MGAT5: variants seen among roughly 807,000 people sequenced by gnomAD.
The protein encoded by MGAT5 is alpha-1,6-mannosylglycoprotein 6-beta-N-acetylglucosaminyltransferase A.
In MGAT5, 30 loss-of-function variants were observed where a neutral mutation model predicts 94.3. The observed-to-expected ratio is 0.32, with a 90% confidence interval of 0.24 to 0.43. The LOEUF is 0.43. Among genes scored for constraint, MGAT5 ranks in the 20% least tolerant of loss-of-function variants. The pLI, the probability that MGAT5 is intolerant of heterozygous loss-of-function variation, is 1.00. For missense variants in MGAT5, 691 were observed against 905.5 expected, an observed-to-expected ratio of 0.76 and a Z score of 3.04; for synonymous variants, 310 against 322.9, an observed-to-expected ratio of 0.96 and a Z score of 0.43.
intron 2 of MGAT5, among the ~76,000 whole-genome samples, chr2:134,290,629 G>GATCATCCTTCATTTCTGTGTT (rs1425078283): frequency 1.3e-5 from 2 of 152,336 alleles, no homozygotes; most frequent in East Asian, 3.9e-4. Flanking sequence ...TACTTTACAA[G>GATCATCCTTCATTTCTGTGTT]GGGTGCTCCC....
At chr2:134,424,480 G>A (rs1165177689) in intron 13 of MGAT5, among the ~76,000 whole-genome samples, 2 of 152,116 alleles carry the variant, frequency 1.3e-5, no homozygotes, top group South Asian at 2.1e-4. Context: ...TCAGGAGACC[G>A]AGCTGATAAA....
At chr2:134,120,809 C>T (rs1263664893) in intron 1 of MGAT5, among the ~76,000 whole-genome samples, 3 of 151,874 alleles carry the variant, frequency 2.0e-5, no homozygotes, top group Non-Finnish European at 4.4e-5. Flanking sequence ...AGGAGGGAGG[C>T]TGGCCCCGAG....
intron 10 of MGAT5, among the ~76,000 whole-genome samples, chr2:134,366,762 C>T (rs1331056480): frequency 6.6e-6 from 1 of 152,222 alleles, no homozygotes; most frequent in Non-Finnish European, 1.5e-5. Context: ...GAAGAGCATG[C>T]TTTGAGCAGC....
At chr2:134,197,489 A>T (rs1002669464) in intron 1 of MGAT5, among the ~76,000 whole-genome samples, 2 of 152,214 alleles carry the variant, frequency 1.3e-5, no homozygotes, top group Non-Finnish European at 2.9e-5. Context: ...TTTGAGATTA[A>T]AGAGAGATTT....
chr2:134,274,625 T>C (rs138039046), intron 2 of MGAT5, among the ~76,000 whole-genome samples: 252 of 152,376 alleles, frequency 1.7e-3, no homozygotes, highest in Non-Finnish European at 2.8e-3. Flanking sequence ...AGAGTTGTCA[T>C]TCAAGGTCAG....
At chr2:134,381,386 A>AT (rs1227207157) in intron 10 of MGAT5, among the ~76,000 whole-genome samples, 18,687 of 84,828 alleles carry the variant, frequency 0.22, 1,478 homozygotes, top group Non-Finnish European at 0.27. Flanking sequence ...GATAGATTAG[A>AT]TAGATAGATA....
chr2:134,120,357 G>A (rs1413485205), intron 1 of MGAT5: 2 of 383,982 alleles, frequency 5.2e-6, no homozygotes, highest in African/African-American at 2.1e-5. Flanking sequence ...GGTGATGCGC[G>A]CAGAGGGGAC....
At chr2:134,334,210 G>A (rs1688189390) in intron 4 of MGAT5, among the ~76,000 whole-genome samples, 1 of 152,162 alleles carries the variant, frequency 6.6e-6, no homozygotes, top group Non-Finnish European at 1.5e-5. Flanking sequence ...AGGCATTACA[G>A]TCTTCAGGCT....
rs76183165 is a variant in MGAT5, at chr2:134,308,080, G to A, written c.407-9449G>A. ...TCAGTGTCTTCTGTAGTAGAATGAA[G>A]GATAATAGTACTTATTATTGTGAGG... On this transcript the variant is annotated intron_variant, in intron 2 of 15. Coordinates refer to ENST00000281923, the MANE Select transcript of MGAT5 (RefSeq NM_002410.5). Among the ~76,000 whole-genome samples the A allele has an allele frequency of 6.4e-3, 979 of 152,282 alleles. 11 individuals are homozygous for A. Among genetic ancestry groups the A allele is most frequent in the African/African-American group, 0.023 (943 of 41,550 alleles).
intron 1 of MGAT5, among the ~76,000 whole-genome samples, chr2:134,176,838 G>A (rs962990853): frequency 1.5e-4 from 23 of 152,094 alleles, no homozygotes; most frequent in African/African-American, 5.3e-4. Flanking sequence ...TTGAGAGGTG[G>A]GTCTCAGCTC....
intron 1 of MGAT5, among the ~76,000 whole-genome samples, chr2:134,209,128 A>G (rs1350344800): frequency 7.1e-6 from 1 of 141,334 alleles, no homozygotes; most frequent in Non-Finnish European, 1.6e-5. Flanking sequence ...GGGATTGTAT[A>G]TAGAACTGGC....
chr2:134,360,749 C>T (rs1680036308), intron 9 of MGAT5, among the ~76,000 whole-genome samples: 1 of 152,242 alleles, frequency 6.6e-6, no homozygotes, highest in African/African-American at 2.4e-5. Flanking sequence ...CAACTATCGC[C>T]TCTTGTTGGC....
At position 134,335,530 on chromosome 2, in the gene MGAT5, C is replaced by T. The variant is rs144071249; in HGVS notation, c.574-687C>T. Among the ~76,000 whole-genome samples, 57 of 152,038 alleles carry T rather than the reference C, an allele frequency of 3.7e-4. No homozygotes were observed. In the East Asian group the frequency reaches 0.01, roughly 28 times the overall value. ...GTTCTTTTTTCCTTTCTCTTTCCTC[C>T]TCCCCTCAATTTCTAAACCTTATTC... On this transcript the variant is annotated intron_variant, in intron 4 of 15. Coordinates refer to ENST00000281923, the MANE Select transcript of MGAT5 (RefSeq NM_002410.5).
intron 9 of MGAT5, among the ~76,000 whole-genome samples, chr2:134,352,240 G>A (rs1241690445): frequency 5.9e-5 from 9 of 152,132 alleles, no homozygotes; most frequent in Non-Finnish European, 1.3e-4. Context: ...TCAAGATGTG[G>A]CATGTGCTCA....
At chr2:134,236,278 C>T (rs1297118131) in intron 1 of MGAT5, among the ~76,000 whole-genome samples, 2 of 152,070 alleles carry the variant, frequency 1.3e-5, no homozygotes, top group African/African-American at 2.4e-5. Context: ...TGGTGTTTAG[C>T]CTGGACCTTG....
intron 10 of MGAT5, among the ~76,000 whole-genome samples, chr2:134,371,818 C>T (rs375532970): frequency 6.6e-6 from 1 of 152,100 alleles, no homozygotes; most frequent in Non-Finnish European, 1.5e-5. Context: ...TGACATGGCC[C>T]TCTGGAATAG....
intron 1 of MGAT5, among the ~76,000 whole-genome samples, chr2:134,229,178 A>C (rs1382515979): frequency 1.3e-5 from 2 of 152,246 alleles, no homozygotes; most frequent in East Asian, 3.8e-4. Context: ...TGGAAGACTC[A>C]GAAATGGGCA....
chr2:134,169,118 G>T (rs562733136), intron 1 of MGAT5, among the ~76,000 whole-genome samples: 1 of 152,308 alleles, frequency 6.6e-6, no homozygotes, highest in Admixed American at 6.5e-5. Flanking sequence ...GGAGGGCAAA[G>T]AGACAATGCA....
intron 1 of MGAT5, among the ~76,000 whole-genome samples, chr2:134,239,867 A>G (rs1681876483): frequency 6.6e-6 from 1 of 152,168 alleles, no homozygotes; most frequent in Non-Finnish European, 1.5e-5. Flanking sequence ...GAGAATAAGA[A>G]AATGAGTCAG....
Sources: gnomAD v4.1 joint callset for allele counts (sites outside exome capture counted in the v4.1 genomes callset) on GRCh38, gnomAD v4.1.1 for gene constraint, MANE v1.5 for transcripts, NCBI Gene and HGNC (gene_info 2026-07-23, HGNC 2026-07-21) for gene names.